SPATA13: variants seen among roughly 807,000 people sequenced by gnomAD.
SPATA13 encodes spermatogenesis associated 13.
SPATA13 carries 50 observed loss-of-function variants against 104.0 expected under a neutral mutation model. That is an observed-to-expected ratio of 0.48 (90% CI 0.38 to 0.61). The LOEUF (loss-of-function observed/expected upper bound fraction) is 0.61, where lower values mean the gene tolerates loss of function less well. SPATA13 is among the 20% of genes least tolerant of loss of function. SPATA13 has a pLI of 0.00. For synonymous variants in SPATA13, 606 were observed against 667.5 expected (o/e 0.91, Z 1.42); for missense variants, 1,524 against 1,690.6 (o/e 0.90, Z 1.73).
chr13:24,157,110 AG>A (rs1882277885), upstream of SPATA13, among the ~76,000 whole-genome samples: 1 of 152,130 alleles, frequency 6.6e-6, no homozygotes, highest in African/African-American at 2.4e-5. Flanking sequence ...TACTTCCTCC[AG>A]GTGAAAGTCT....
chr13:24,305,987 G>C lies in SPATA13; in HGVS notation c.*3214G>C, dbSNP rs1165419269. ...CAGTAGTATGCTGGAGCTTCCCTGGGATACCAGCCACATGGTTTCTTTTCA... is the reference window on the plus strand; with the variant it reads ...CAGTAGTATGCTGGAGCTTCCCTGGCATACCAGCCACATGGTTTCTTTTCA... On this transcript the variant is annotated 3_prime_UTR_variant, in exon 13 of 13. Transcript: ENST00000382108. 6.6e-6 allele frequency: 1 copy of C among 152,204 alleles called. No homozygotes were observed. Among genetic ancestry groups the C allele is most frequent in the Non-Finnish European group, 1.5e-5 (1 of 68,028 alleles). 9.4% of individuals were successfully genotyped at this position (152,204 alleles called of 1,614,324 possible).
intron 8 of SPATA13, 87 bp downstream of exon 8, chr13:24,289,265 TTTA>T: frequency 8.7e-7 from 1 of 1,154,434 alleles, no homozygotes; most frequent in South Asian, 1.5e-5. Flanking sequence ...TCTCTTTTGT[TTTA>T]TTGTTTGTTT....
chr13:24,185,432 G>T (rs1262013940), intron 1 of SPATA13, among the ~76,000 whole-genome samples: 1 of 152,092 alleles, frequency 6.6e-6, no homozygotes, highest in Non-Finnish European at 1.5e-5. Flanking sequence ...CACTTAATGA[G>T]AAATAAACCT....
intron 11 of SPATA13, 55 bp from the exon 12 acceptor site, chr13:24,300,346 C>T (rs2138776319): frequency 1.4e-6 from 2 of 1,446,746 alleles, no homozygotes; most frequent in Non-Finnish European, 1.9e-6. Context: ...ACAAGTTTTG[C>T]TCTGAAACAT....
intron 1 of SPATA13, among the ~76,000 whole-genome samples, chr13:24,165,713 G>C (rs1363834183): frequency 1.3e-5 from 2 of 152,224 alleles, no homozygotes; most frequent in Non-Finnish European, 2.9e-5. Context: ...AATGAGATGT[G>C]TTGTGGTATT....
At chr13:23,993,200 C>CT (rs1164059633) in intron 2 of SPATA13, among the ~76,000 whole-genome samples, 1 of 152,236 alleles carries the variant, frequency 6.6e-6, no homozygotes, top group Non-Finnish European at 1.5e-5. Context: ...GCTGGGGTTC[C>CT]TAAGCCTGGC....
intron 1 of SPATA13, among the ~76,000 whole-genome samples, chr13:24,213,301 C>G (rs1447329570): frequency 6.6e-6 from 1 of 152,308 alleles, no homozygotes; most frequent in East Asian, 1.9e-4. Context: ...GAGTCTGGCT[C>G]TGAAACCCAG....
intron 3 of SPATA13, among the ~76,000 whole-genome samples, chr13:24,082,549 G>A (rs547864032): frequency 1.3e-5 from 2 of 152,146 alleles, no homozygotes; most frequent in Admixed American, 6.5e-5. Context: ...GGCCGGGCGC[G>A]GTGGCTCACG....
At chr13:24,219,811 C>A (rs1460611004) in intron 1 of SPATA13, among the ~76,000 whole-genome samples, 1 of 152,186 alleles carries the variant, frequency 6.6e-6, no homozygotes, top group Non-Finnish European at 1.5e-5. Flanking sequence ...CTTTTCTAAA[C>A]CCACTTTCAC....
chr13:24,037,834 G>A (rs937594245), intron 3 of SPATA13, among the ~76,000 whole-genome samples: 1 of 152,134 alleles, frequency 6.6e-6, no homozygotes, highest in African/African-American at 2.4e-5. Flanking sequence ...AAGTGAAATT[G>A]TGGATGTCTG....
At chr13:24,275,761 C>T (rs192235836) in intron 4 of SPATA13, among the ~76,000 whole-genome samples, 38 of 152,296 alleles carry the variant, frequency 2.5e-4, no homozygotes, top group African/African-American at 7.0e-4. Context: ...TGGCGAAACC[C>T]CATCTCTACT....
upstream of SPATA13, among the ~76,000 whole-genome samples, chr13:24,159,486 T>C (rs1303741435): frequency 6.6e-6 from 1 of 152,188 alleles, no homozygotes; most frequent in Non-Finnish European, 1.5e-5. Context: ...GGAGTTCTGA[T>C]GTACTCCCTC....
intron 2 of SPATA13, among the ~76,000 whole-genome samples, chr13:24,230,260 A>G (rs565049974): frequency 6.6e-6 from 1 of 152,346 alleles, no homozygotes; most frequent in South Asian, 2.1e-4. Flanking sequence ...GGGTTGAAAC[A>G]AAAAGAAGCT....
chr13:24,039,684 G>A (rs1299730311), intron 3 of SPATA13, among the ~76,000 whole-genome samples: 1 of 152,072 alleles, frequency 6.6e-6, no homozygotes, highest in East Asian at 1.9e-4. Flanking sequence ...TAGGTTGTGA[G>A]TTTCTTTTTC....
intron 3 of SPATA13, among the ~76,000 whole-genome samples, chr13:24,120,734 G>A (rs1033735700): frequency 1.1e-4 from 17 of 152,310 alleles, no homozygotes; most frequent in Admixed American, 7.2e-4. Flanking sequence ...TCAAAATTAA[G>A]GTATCCTCTT....
At chr13:24,082,163 C>T (rs1386436282) in intron 3 of SPATA13, among the ~76,000 whole-genome samples, 3 of 152,230 alleles carry the variant, frequency 2.0e-5, no homozygotes, top group South Asian at 4.1e-4. Context: ...GCTTGACATG[C>T]AGGATCCAAA....
intron 4 of SPATA13, among the ~76,000 whole-genome samples, chr13:24,281,049 G>C (rs1566189859): frequency 1.3e-5 from 2 of 148,392 alleles, no homozygotes; most frequent in Non-Finnish European, 3.1e-5. Context: ...CTGGCTCCCT[G>C]CTGCCCACCC....
At chr13:24,291,751 T>TA (rs796632523) in intron 9 of SPATA13, among the ~76,000 whole-genome samples, 14 of 74,454 alleles carry the variant, frequency 1.9e-4, no homozygotes, top group East Asian at 1.6e-3. Flanking sequence ...TTTTTTTATT[T>TA]TTTTATTTTT....
At chr13:23,988,067 C>G (rs764703843) in intron 2 of SPATA13, among the ~76,000 whole-genome samples, 11 of 152,018 alleles carry the variant, frequency 7.2e-5, no homozygotes, top group Non-Finnish European at 1.6e-4. Flanking sequence ...CCTCAGCCTC[C>G]TGAGTAGCTG....
Sources: gnomAD v4.1 joint callset for allele counts (sites outside exome capture counted in the v4.1 genomes callset) on GRCh38, gnomAD v4.1.1 for gene constraint, MANE v1.5 for transcripts, NCBI Gene and HGNC (gene_info 2026-07-23, HGNC 2026-07-21) for gene names.